LIM2: variants seen among roughly 807,000 people sequenced by gnomAD.
LIM2 encodes the protein lens fiber membrane intrinsic protein.
LIM2 carries 14 observed loss-of-function variants against 19.0 expected under a neutral mutation model. The ratio of observed to expected loss-of-function variants is 0.74; its 90% CI spans 0.49 to 1.15. The LOEUF (loss-of-function observed/expected upper bound fraction) is 1.15. Ranked by LOEUF, LIM2 falls within the 50% of genes most tolerant of loss-of-function variation. LIM2 has a pLI of 0.00. For synonymous variants in LIM2, 78 were observed against 89.6 expected, an observed-to-expected ratio of 0.87 and a Z score of 0.73; for missense variants, 230 against 243.5, an observed-to-expected ratio of 0.94 and a Z score of 0.37.
chr19:51,382,008 G>A (rs1486729356), intron 3 of LIM2, among the ~76,000 whole-genome samples: 4 of 152,184 alleles, frequency 2.6e-5, no homozygotes, highest in Non-Finnish European at 4.4e-5. Flanking sequence ...AATTACGGGC[G>A]TGAGCCATCG....
chr19:51,386,038 A>T (rs181549821), intron 2 of LIM2, among the ~76,000 whole-genome samples: 1 of 152,218 alleles, frequency 6.6e-6, no homozygotes, highest in Non-Finnish European at 1.5e-5. Flanking sequence ...AGAATAGCAC[A>T]TAGGGCATAG....
chr19:51,382,535 G>C lies in LIM2; in HGVS notation c.208C>G (p.Leu70Val). The C allele has an allele frequency of 6.2e-7, 1 of 1,613,834 alleles. No individual in the cohort carries two copies. Among genetic ancestry groups the C allele is most frequent in the Non-Finnish European group, 8.5e-7 (1 of 1,179,884 alleles). Residue 70 changes from leucine (L) to valine (V), a missense_variant, in exon 3 of 5, where the codon CTG becomes GTG. Coordinates refer to ENST00000596399, the MANE Select transcript of LIM2 (RefSeq NM_001161748.2). ...CCGGAGATGGCGCATAGGGCAGACA[G>C]GATCATGAAGGCCCGGGTGGCATTC... The part of the protein sequence containing the change: ...YWNATRAFMI[L>V]SALCAISGII...
chr19:51,382,560 C>A lies in LIM2; in HGVS notation c.183G>T (p.Trp61Cys), dbSNP rs751045343. 1 of 1,613,428 alleles carries A rather than the reference C, an allele frequency of 6.2e-7. No individual in the cohort carries two copies. Among genetic ancestry groups the A allele is most frequent in the Non-Finnish European group, 8.5e-7 (1 of 1,179,854 alleles). ...GGATCATGAAGGCCCGGGTGGCATT[C>A]CAGTATGCTGTGGGAGCACCCCATG... Reference protein sequence around the residue: ...CYLQTDSIAYWNATRAFMILS... With the variant: ...CYLQTDSIAYCNATRAFMILS... Residue 61 changes from tryptophan to cysteine, a missense_variant, in exon 3 of 5, where the codon TGG becomes TGT. Trp to Cys is a radical substitution (Grantham distance 215, BLOSUM62 -2). Coordinates refer to ENST00000596399, the MANE Select transcript of LIM2 (RefSeq NM_001161748.2).
At chr19:51,381,883 G>A (rs112064219) in intron 3 of LIM2, among the ~76,000 whole-genome samples, 8,172 of 152,074 alleles carry the variant, frequency 0.054, 728 homozygotes, top group African/African-American at 0.18. Flanking sequence ...CCGACACCAC[G>A]CCTGGCTAAT....
chr19:51,385,292 C>G (rs996090169), intron 2 of LIM2, among the ~76,000 whole-genome samples: 5 of 152,114 alleles, frequency 3.3e-5, no homozygotes, highest in African/African-American at 1.2e-4. Context: ...GAGGCCGAGG[C>G]GGGTGGATCA....
intron 2 of LIM2, among the ~76,000 whole-genome samples, chr19:51,384,908 G>T (rs1297868578): frequency 6.6e-6 from 1 of 152,092 alleles, no homozygotes; most frequent in South Asian, 2.1e-4. Context: ...TGTCACCCAG[G>T]CTGGAGTGCA....
intron 3 of LIM2, 136 bp from the exon 4 acceptor site, chr19:51,380,775 G>T: frequency 9.8e-7 from 1 of 1,019,936 alleles, no homozygotes; most frequent in South Asian, 1.4e-5. Flanking sequence ...GGGGATAGGA[G>T]TGAGGATAGG....
At chr19:51,383,477 T>C (rs929346598) in intron 2 of LIM2, among the ~76,000 whole-genome samples, 6 of 152,330 alleles carry the variant, frequency 3.9e-5, no homozygotes, top group African/African-American at 1.4e-4. Flanking sequence ...TTCACCACTG[T>C]GTCCCCAGCA....
chr19:51,382,698 T>G, intron 2 of LIM2, 131 bp from the exon 3 acceptor site: 6 of 1,205,990 alleles, frequency 5.0e-6, no homozygotes, highest in Non-Finnish European at 7.2e-6. Context: ...TCTTTGCAAA[T>G]GCCCTCTTCT....
intron 1 of LIM2, 70 bp downstream of exon 1, chr19:51,387,849 A>G (rs1237307261): frequency 4.1e-6 from 1 of 244,366 alleles, no homozygotes; most frequent in Non-Finnish European, 8.1e-6. Flanking sequence ...CTGGGAGAAG[A>G]AGGAGCTGGG....
intron 2 of LIM2, chr19:51,387,065 T>G (rs1987077232): frequency 1.0e-6 from 1 of 959,036 alleles, no homozygotes; most frequent in Non-Finnish European, 1.7e-6. Context: ...CAACTTAACC[T>G]TCAAACCAGC....
chr19:51,383,831 T>A (rs1255816226), intron 2 of LIM2, among the ~76,000 whole-genome samples: 1 of 152,196 alleles, frequency 6.6e-6, no homozygotes, highest in Non-Finnish European at 1.5e-5. Flanking sequence ...CCTAACTGCT[T>A]GGCTATTCTG....
intron 1 of LIM2, among the ~76,000 whole-genome samples, 184 bp from the exon 2 acceptor site, chr19:51,387,633 G>A (rs1170590109): frequency 2.0e-5 from 3 of 152,050 alleles, no homozygotes; most frequent in African/African-American, 7.2e-5. Context: ...GAGGGAGGAG[G>A]ATGGTAGGGA....
intron 2 of LIM2, among the ~76,000 whole-genome samples, chr19:51,382,824 T>C (rs1266502405): frequency 6.6e-6 from 1 of 151,948 alleles, no homozygotes; most frequent in Non-Finnish European, 1.5e-5. Context: ...GTTGTGACTC[T>C]CTTTGTCTGT....
rs1243420989 is a variant in LIM2 at position 51,382,564 on chromosome 19, T to C, written c.179A>G (p.Tyr60Cys). Residue 60 changes from tyrosine to cysteine, a missense_variant, in exon 3 of 5, where the codon TAC (tyrosine) becomes TGC (cysteine). By Grantham distance (194) the Tyr-to-Cys change is radical (BLOSUM62 -2). Coordinates refer to ENST00000596399, the MANE Select transcript of LIM2 (RefSeq NM_001161748.2). Reference sequence around the variant, plus strand: ...CATGAAGGCCCGGGTGGCATTCCAGTATGCTGTGGGAGCACCCCATGGTCA... The same window carrying C: ...CATGAAGGCCCGGGTGGCATTCCAGCATGCTGTGGGAGCACCCCATGGTCA... Reference protein sequence around the residue: ...KCYLQTDSIAYWNATRAFMIL... With the variant: ...KCYLQTDSIACWNATRAFMIL... 8 of 1,613,370 alleles carry C rather than the reference T, an allele frequency of 5.0e-6. No homozygotes were observed. In the East Asian group the frequency reaches 1.6e-4, roughly 31 times the overall value.
chr19:51,379,932 G>T lies in LIM2; in HGVS notation c.*269C>A. On this transcript the variant is annotated 3_prime_UTR_variant, in exon 5 of 5. Transcript: ENST00000596399. ...AGTAGTTTCACATCAGTTTTATTAGGCCCCAGAAAGTTGCTCTAATGGATA... is the reference window on the plus strand; with the variant it reads ...AGTAGTTTCACATCAGTTTTATTAGTCCCCAGAAAGTTGCTCTAATGGATA... 1.7e-6 allele frequency: 1 copy of T among 572,432 alleles called. No individual in the cohort carries two copies. The highest frequency in any genetic ancestry group is 3.1e-6 in the Non-Finnish European group (1 of 320,300). 35.5% of individuals were successfully genotyped at this position (572,432 alleles called of 1,614,324 possible). A position where few individuals can be genotyped will look rare whatever the true frequency, so the allele number is the denominator to read the frequency against.
At chr19:51,382,019 C>T (rs918804173) in intron 3 of LIM2, among the ~76,000 whole-genome samples, 11 of 152,164 alleles carry the variant, frequency 7.2e-5, no homozygotes, top group East Asian at 1.9e-4. Flanking sequence ...TGAGCCATCG[C>T]ACCCGGCCTC....
rs1986917776 is a variant in LIM2 at position 51,382,423 on chromosome 19, G to A, written c.320C>T (p.Ser107Phe). The change falls in exon 3 of 5, where the codon TCC (serine) becomes TTC (phenylalanine). Residue 107 changes from serine to phenylalanine, a missense_variant. By Grantham distance (155) the Ser-to-Phe change is radical. Coordinates refer to ENST00000596399, the MANE Select transcript of LIM2 (RefSeq NM_001161748.2). ...RPFSAGIMFF[S>F]STLFVVLALA... is the part of the protein sequence containing the mutation. ...GAGAGGGTGGGCTTACTCACTTGAG[G>A]AAAAAAACATGATGCCAGCAGAGAA... 6.2e-7 allele frequency: 1 copy of A among 1,613,632 alleles called. No homozygotes were observed. Among genetic ancestry groups the A allele is most frequent in the Non-Finnish European group, 8.5e-7 (1 of 1,179,952 alleles).
chr19:51,380,677 G>A, intron 3 of LIM2, 38 bp from the exon 4 acceptor site: 1 of 1,613,040 alleles, frequency 6.2e-7, no homozygotes, highest in South Asian at 1.1e-5. Flanking sequence ...GTGGGACTAA[G>A]GCTGGGTGTG....
Sources: allele counts gnomAD v4.1 joint callset (sites outside exome capture counted in the v4.1 genomes callset), GRCh38; gene constraint gnomAD v4.1.1; transcripts MANE v1.5; gene names NCBI Gene and HGNC (gene_info 2026-07-23, HGNC 2026-07-21).